Variants in RNLS observed in about 807,000 individuals in gnomAD.
The protein encoded by RNLS is renalase.
In RNLS, 39 loss-of-function variants were observed where a neutral mutation model predicts 39.8. The ratio of observed to expected loss-of-function variants is 0.98; its 90% confidence interval spans 0.76 to 1.28. The LOEUF is 1.28. Ranked by LOEUF, RNLS falls within the 50% of genes most tolerant of loss-of-function variation. RNLS has a pLI of 0.00. For synonymous variants in RNLS, 147 were observed against 150.7 expected (o/e 0.98, Z 0.18); for missense variants, 410 against 413.3 (o/e 0.99, Z 0.07).
the RNLS span, among the ~76,000 whole-genome samples, chr10:88,223,905 A>G: frequency 6.6e-6 from 1 of 152,160 alleles, no homozygotes; most frequent in Non-Finnish European, 1.5e-5. Flanking sequence ...GGTAAAGCCA[A>G]TCAGATCCCT....
At chr10:88,575,154 ATATATACACACAC>A (rs1850098530) in intron 3 of RNLS, among the ~76,000 whole-genome samples, 1 of 41,460 alleles carries the variant, frequency 2.4e-5, no homozygotes, top group East Asian at 9.7e-4. Flanking sequence ...ATATATATAT[ATATATACACACAC>A]ACACACACAC....
chr10:88,421,249 C>G (rs367926493), intron 4 of RNLS, among the ~76,000 whole-genome samples: 8 of 151,932 alleles, frequency 5.3e-5, no homozygotes, highest in African/African-American at 1.7e-4. Flanking sequence ...ATATTTTACC[C>G]ATAGCCTATG....
rs533093147 is a variant in RNLS, at chr10:88,284,634, G to A, written c.*720C>T. 1 of 985,152 alleles carries A rather than the reference G, an allele frequency of 1.0e-6. No individual in the cohort carries two copies. The highest frequency in any genetic ancestry group is 1.1e-4 in the East Asian group (1 of 8,810). The allele number at this position is 985,152 out of a possible 1,614,324, so 61.0% of individuals were successfully genotyped here. A position where few individuals can be genotyped will look rare whatever the true frequency, so the allele number is the denominator to read the frequency against. Reference sequence around the variant, plus strand: ...GCTATAAAATATAGCAAAAGGTAAGGATCGATATACTTTCTCTCTGTTTCT... The same window carrying A: ...GCTATAAAATATAGCAAAAGGTAAGAATCGATATACTTTCTCTCTGTTTCT... On this transcript the variant is annotated 3_prime_UTR_variant, in exon 7 of 7. Transcript: ENST00000331772.
chr10:88,324,840 A>G (rs1846464605), intron 5 of RNLS, among the ~76,000 whole-genome samples: 1 of 152,070 alleles, frequency 6.6e-6, no homozygotes, highest in African/African-American at 2.4e-5. Flanking sequence ...CTACCATTCT[A>G]TTTCTGTCTG....
downstream of RNLS, among the ~76,000 whole-genome samples, chr10:88,282,469 A>G (rs1204244155): frequency 7.1e-6 from 1 of 141,550 alleles, no homozygotes; most frequent in Non-Finnish European, 1.5e-5. Flanking sequence ...GGAGGATGAA[A>G]AGTGAAAATA....
chr10:88,383,482 G>T (rs1851674269), intron 4 of RNLS, among the ~76,000 whole-genome samples: 1 of 152,104 alleles, frequency 6.6e-6, no homozygotes, highest in Admixed American at 6.5e-5. Context: ...TACATTTCCT[G>T]TGCTGTCAAA....
At chr10:88,228,911 C>T in the RNLS span, among the ~76,000 whole-genome samples, 1 of 152,148 alleles carries the variant, frequency 6.6e-6, no homozygotes, top group African/African-American at 2.4e-5. Flanking sequence ...TCCTCCTACT[C>T]AATGTAGGGA....
the RNLS span, among the ~76,000 whole-genome samples, chr10:88,208,555 T>C: frequency 6.6e-6 from 1 of 152,058 alleles, no homozygotes; most frequent in African/African-American, 2.4e-5. Flanking sequence ...AATAAATATA[T>C]CCCAATGGCT....
chr10:88,529,607 A>T (rs977100910), intron 4 of RNLS, among the ~76,000 whole-genome samples: 21 of 152,216 alleles, frequency 1.4e-4, no homozygotes, highest in African/African-American at 4.6e-4. Context: ...TGCAAAAAGG[A>T]TAATTACTCA....
At chr10:88,185,092 T>C in the RNLS span, among the ~76,000 whole-genome samples, 3 of 152,148 alleles carry the variant, frequency 2.0e-5, no homozygotes, top group African/African-American at 7.2e-5. Context: ...CGAGGTTACA[T>C]AGTAGACAAG....
chr10:88,581,790 C>G lies in RNLS; in HGVS notation c.225-81G>C, dbSNP rs996075521. On this transcript the variant is annotated intron_variant, in intron 2 of 6. Transcript: ENST00000331772. The stretch of plus-strand genomic sequence containing the variant: ...AAGACTATATTTTCTTTCAATAATT[C>G]TCAGAGGTTATAATTCAAAATCAAA... 6.5e-6 allele frequency: 6 copies of G among 919,838 alleles called. No individual in the cohort carries two copies. The African/African-American group carries it at 7.0e-5, about 11-fold the overall frequency. 57.0% of individuals were successfully genotyped at this position (919,838 alleles called of 1,614,324 possible). A position where few individuals can be genotyped will look rare whatever the true frequency, so the allele number is the denominator to read the frequency against.
chr10:88,382,953 C>A (rs142000863), intron 4 of RNLS, among the ~76,000 whole-genome samples: 300 of 152,038 alleles, frequency 2.0e-3, no homozygotes, highest in African/African-American at 6.8e-3. Context: ...TATTTTAAAG[C>A]AGAAAAAGGG....
chr10:88,418,018 A>C (rs778284124), intron 4 of RNLS, among the ~76,000 whole-genome samples: 17 of 152,074 alleles, frequency 1.1e-4, no homozygotes, highest in African/African-American at 3.1e-4. Context: ...ACATAAAATG[A>C]AGCCAAGTTT....
chr10:88,205,605 C>T, the RNLS span, among the ~76,000 whole-genome samples: 18 of 152,246 alleles, frequency 1.2e-4, 1 homozygote, highest in South Asian at 2.1e-3. Flanking sequence ...TACAAAGAGG[C>T]CAAGGTACTA....
chr10:88,435,565 G>T (rs1439371984), intron 4 of RNLS, among the ~76,000 whole-genome samples: 1 of 152,070 alleles, frequency 6.6e-6, no homozygotes, highest in Non-Finnish European at 1.5e-5. Flanking sequence ...GGTAGCAGAG[G>T]TATAAAATAA....
chr10:88,568,720 T>A (rs1445498093), intron 4 of RNLS, among the ~76,000 whole-genome samples: 1 of 152,168 alleles, frequency 6.6e-6, no homozygotes, highest in African/African-American at 2.4e-5. Flanking sequence ...ACAAATTGTT[T>A]GGACAGGCTG....
intron 5 of RNLS, among the ~76,000 whole-genome samples, chr10:88,350,460 C>G (rs1453498076): frequency 1.3e-5 from 2 of 152,084 alleles, no homozygotes; most frequent in African/African-American, 2.4e-5. Flanking sequence ...CAATTCCCAC[C>G]TATGAGTGAG....
chr10:88,376,583 C>T (rs576288016), intron 4 of RNLS, among the ~76,000 whole-genome samples: 15 of 152,230 alleles, frequency 9.9e-5, no homozygotes, highest in African/African-American at 3.6e-4. Flanking sequence ...GTTACTCAGG[C>T]ATGGCTGGAA....
chr10:88,446,914 CAT>C (rs1449708343), intron 4 of RNLS, among the ~76,000 whole-genome samples: 1 of 152,208 alleles, frequency 6.6e-6, no homozygotes, highest in Non-Finnish European at 1.5e-5. Context: ...ACAAAAACCA[CAT>C]GATTATCTCA....
Sources: gnomAD v4.1 joint callset for allele counts (sites outside exome capture counted in the v4.1 genomes callset) on GRCh38, gnomAD v4.1.1 for gene constraint, MANE v1.5 for transcripts, NCBI Gene and HGNC (gene_info 2026-07-23, HGNC 2026-07-21) for gene names.